MPPED1: variants seen among roughly 807,000 people sequenced by gnomAD.
The protein encoded by MPPED1 is metallophosphoesterase domain containing 1, also known as metallophosphoesterase domain-containing protein 1.
Under a neutral mutation model 36.2 loss-of-function variants are expected in MPPED1, and 16 were observed. That is an observed-to-expected ratio of 0.44 (90% CI 0.30 to 0.67). The LOEUF (loss-of-function observed/expected upper bound fraction) is 0.67, where lower values mean the gene tolerates loss of function less well. Ranked by LOEUF, MPPED1 falls within the 30% of genes least tolerant of loss-of-function variation. The probability of loss-of-function intolerance (pLI) is 0.10; values close to 1 mark genes in which losing one functional copy is unlikely to be tolerated. For missense variants in MPPED1, 307 were observed against 453.4 expected, an observed-to-expected ratio of 0.68 and a Z score of 2.93; for synonymous variants, 199 against 191.3, an observed-to-expected ratio of 1.04 and a Z score of -0.33.
At chr22:43,439,639 A>G (rs529883732) in intron 3 of MPPED1, among the ~76,000 whole-genome samples, 1 of 152,370 alleles carries the variant, frequency 6.6e-6, no homozygotes, top group Admixed American at 6.5e-5. Context: ...GCTGTGGGGA[A>G]GGGTTGATGA....
chr22:43,492,653 G>A (rs4073875), intron 4 of MPPED1, among the ~76,000 whole-genome samples: 33,298 of 152,130 alleles, frequency 0.22, 5,084 homozygotes, highest in African/African-American at 0.43. Context: ...AGCACAGCCA[G>A]TCTCATTCCC....
rs1374095557 is a variant in MPPED1 at position 43,425,091 on chromosome 22, C to T, written c.106C>T (p.Arg36Trp). ...CTCCCAGTCCCACGTGATGGCCGCT[C>T]GGCGGCACCAGCACAGCCGGCTCAT... ...AFSQSHVMAA[R>W]RHQHSRLIIE... Residue 36 changes from arginine (R) to tryptophan (W), a missense_variant, in exon 2 of 7, where the codon CGG becomes TGG. Arg to Trp is a moderately radical substitution (Grantham distance 101, BLOSUM62 -3). Coordinates refer to ENST00000443721, the MANE Select transcript of MPPED1 (RefSeq NM_001044370.2). The T allele has an allele frequency of 1.9e-6, 3 of 1,613,782 alleles. No individual in the cohort carries two copies. The highest frequency in any genetic ancestry group is 2.5e-6 in the Non-Finnish European group (3 of 1,179,892).
rs143363837 is a variant in MPPED1 at position 43,459,270 on chromosome 22, G to A, written c.407-15466G>A. Among the ~76,000 whole-genome samples, 34 of 152,206 alleles carry A rather than the reference G, an allele frequency of 2.2e-4. No homozygotes were observed. The East Asian group carries it at 6.0e-3, about 27-fold the overall frequency. On this transcript the variant is annotated intron_variant, in intron 3 of 6. Transcript: ENST00000443721. ...TAATTTTTGTATTTTCAGTAGAGAC[G>A]GGGTTTTGCCATGATGGGGTATTGC...
intron 3 of MPPED1, among the ~76,000 whole-genome samples, chr22:43,464,299 G>C (rs1172679646): frequency 1.1e-3 from 100 of 92,398 alleles, no homozygotes; most frequent in African/African-American, 6.0e-3. Context: ...CTCTGTGTGT[G>C]TGTGTGTGTG....
At chr22:43,418,276 A>T in intron 1 of MPPED1, 8 of 397,860 alleles carry the variant, frequency 2.0e-5, no homozygotes, top group South Asian at 1.5e-4. Context: ...GCCTGCGCTG[A>T]GTTTGAGAGG....
intron 1 of MPPED1, chr22:43,416,341 C>T (rs962209279): frequency 6.6e-6 from 1 of 152,218 alleles, no homozygotes; most frequent in Non-Finnish European, 1.5e-5. Context: ...AATGGCAAAA[C>T]CCCAATATCA....
At position 43,497,929 on chromosome 22, in the gene MPPED1, G is replaced by GTATA. The variant is rs746068497; in HGVS notation, c.633-304_633-301dup. On this transcript the variant is annotated intron_variant, in intron 4 of 6. Coordinates refer to ENST00000443721, the MANE Select transcript of MPPED1 (RefSeq NM_001044370.2). ...CTTAGGAAGAAGCTGATATATATAT[G>GTATA]TATATGTATATATATATATGTATTT... Among the ~76,000 whole-genome samples the GTATA allele has an allele frequency of 7.4e-4, 36 of 48,762 alleles. 2 individuals are homozygous for GTATA. Among genetic ancestry groups the GTATA allele is most frequent in the African/African-American group, 2.0e-3 (31 of 15,860 alleles). 32.0% of individuals were successfully genotyped at this position (48,762 alleles called of 152,430 possible).
intron 3 of MPPED1, among the ~76,000 whole-genome samples, chr22:43,447,881 A>ATATATATT: frequency 2.9e-5 from 1 of 34,566 alleles, no homozygotes. Flanking sequence ...ATATATATAT[A>ATATATATT]TATTTTTTTT....
intron 3 of MPPED1, among the ~76,000 whole-genome samples, chr22:43,454,652 G>C (rs959044622): frequency 6.6e-6 from 1 of 152,106 alleles, no homozygotes; most frequent in African/African-American, 2.4e-5. Flanking sequence ...CCAGGCTCAG[G>C]TGATCCTCCC....
Position 43,502,531 on chromosome 22 carries a change from G to A in MPPED1, c.749-113G>A, listed in dbSNP as rs927696349. ...TGCTAGGGGAGAGTGGTGCAAAGCC[G>A]GAGTCCGGAAGCCCCATGCCTTCTC... On this transcript the variant is annotated intron_variant, in intron 5 of 6. Coordinates refer to ENST00000443721, the MANE Select transcript of MPPED1 (RefSeq NM_001044370.2). The surrounding 1 kb of genome is among the most constrained non-coding windows in gnomAD (Gnocchi z 5.5). 1.5e-5 allele frequency: 12 copies of A among 776,016 alleles called. No homozygotes were observed. The highest frequency in any genetic ancestry group is 6.9e-5 in the Admixed American group (3 of 43,478). 48.1% of individuals were successfully genotyped at this position (776,016 alleles called of 1,614,324 possible). A position where few individuals can be genotyped will look rare whatever the true frequency, so the allele number is the denominator to read the frequency against.
At chr22:43,460,001 G>A (rs771024928) in intron 3 of MPPED1, among the ~76,000 whole-genome samples, 14 of 152,130 alleles carry the variant, frequency 9.2e-5, no homozygotes, top group Non-Finnish European at 1.8e-4. Context: ...GAGGTCAAGA[G>A]ATCGAGACCA....
intron 2 of MPPED1, among the ~76,000 whole-genome samples, chr22:43,434,809 A>G (rs1050816887): frequency 6.6e-6 from 1 of 151,966 alleles, no homozygotes; most frequent in South Asian, 2.1e-4. Flanking sequence ...CAGACAGGGA[A>G]ACTGAGGCTT....
Position 43,425,021 on chromosome 22 carries a change from G to A in MPPED1, c.36G>A (p.Lys12=). The A allele has an allele frequency of 6.2e-7, 1 of 1,609,348 alleles. No homozygotes were observed. The change falls in exon 2 of 7, where the codon AAG becomes AAA. Residue 12 remains lysine, a synonymous_variant. Coordinates refer to ENST00000443721, the MANE Select transcript of MPPED1 (RefSeq NM_001044370.2). ...WRSRWDASVL[K]AEALALLPCG... ...CTAGGTGGGATGCCAGCGTCCTGAA[G>A]GCGGAGGCCCTGGCCCTCCTCCCCT...
rs117290465 is a variant in MPPED1, at chr22:43,504,433, C to T, written c.863-1065C>T. ...ATGATAATGATAAGGGTAGTGATGA[C>T]GATCATGGTGACATTGGTGATGACA... On this transcript the variant is annotated intron_variant, in intron 6 of 6. Coordinates refer to ENST00000443721, the MANE Select transcript of MPPED1 (RefSeq NM_001044370.2). 7.0e-3 allele frequency among the ~76,000 whole-genome samples: 1,058 copies of T among 151,564 alleles called. 13 individuals carry two copies. Among genetic ancestry groups the T allele is most frequent in the Non-Finnish European group, 0.011 (731 of 67,902 alleles).
At chr22:43,425,926 G>A (rs952653582) in intron 2 of MPPED1, among the ~76,000 whole-genome samples, 18 of 152,242 alleles carry the variant, frequency 1.2e-4, no homozygotes, top group Non-Finnish European at 2.2e-4. Flanking sequence ...GCCTGTGTGC[G>A]GGGCCAGCCT....
chr22:43,412,283 C>T, intron 1 of MPPED1, 125 bp downstream of exon 1: 1 of 555,352 alleles, frequency 1.8e-6, no homozygotes, highest in Non-Finnish European at 2.3e-6. Context: ...CGCAAAGTTA[C>T]TTTGGCCGCC....
intron 2 of MPPED1, among the ~76,000 whole-genome samples, chr22:43,432,935 A>AG (rs1555898647): frequency 2.0e-5 from 1 of 50,536 alleles, no homozygotes. Flanking sequence ...GAGAGAGGGA[A>AG]AGAGAGAGAA....
intron 3 of MPPED1, among the ~76,000 whole-genome samples, chr22:43,444,620 A>G (rs1930272184): frequency 6.6e-6 from 1 of 151,912 alleles, no homozygotes; most frequent in Admixed American, 6.6e-5. Flanking sequence ...GCCTTGGCCT[A>G]CCAAAGTGTT....
chr22:43,500,010 A>G (rs1455779330), intron 5 of MPPED1, among the ~76,000 whole-genome samples: 125 of 2,288 alleles, frequency 0.055, no homozygotes, highest in African/African-American at 0.13. Context: ...GGCGGTGGTG[A>G]TGGTGGAGGT....
Sources: gnomAD v4.1 joint callset for allele counts (sites outside exome capture counted in the v4.1 genomes callset) on GRCh38, gnomAD v4.1.1 for gene constraint, Gnocchi (gnomAD v3.1) non-coding constraint, MANE v1.5 for transcripts, NCBI Gene and HGNC (gene_info 2026-07-23, HGNC 2026-07-21) for gene names.